The following ZDHHC17 variants were observed in gnomAD, a reference collection of about 807,000 sequenced individuals.
ZDHHC17 encodes palmitoyltransferase ZDHHC17.
Under a neutral mutation model 90.3 loss-of-function variants are expected in ZDHHC17, and 40 were observed. That is an observed-to-expected ratio of 0.44 (90% CI 0.34 to 0.58). The LOEUF is 0.58. ZDHHC17 is among the 20% of genes least tolerant of loss of function. The pLI, the probability that ZDHHC17 is intolerant of heterozygous loss-of-function variation, is 0.01. For missense variants in ZDHHC17, 614 were observed against 780.8 expected (o/e 0.79, Z 2.55); for synonymous variants, 235 against 252.4 (o/e 0.93, Z 0.65).
At chr12:76,824,166 G>A (rs1953202906) in intron 8 of ZDHHC17, among the ~76,000 whole-genome samples, 2 of 152,012 alleles carry the variant, frequency 1.3e-5, no homozygotes, top group South Asian at 2.1e-4. Flanking sequence ...GTTACTTATG[G>A]CATTATTAAA....
At chr12:76,848,971 T>C (rs1136294) in intron 15 of ZDHHC17, among the ~76,000 whole-genome samples, 92,577 of 151,382 alleles carry the variant, frequency 0.61, 28,362 homozygotes, top group East Asian at 0.67. Flanking sequence ...AATTTTTTTA[T>C]ATTAAGTATT....
chr12:76,768,296 G>T (rs1443012205), intron 1 of ZDHHC17, among the ~76,000 whole-genome samples: 1 of 152,210 alleles, frequency 6.6e-6, no homozygotes, highest in African/African-American at 2.4e-5. Flanking sequence ...CCTTGAGCTA[G>T]TAGGTATTTA....
chr12:76,849,396 T>C lies in ZDHHC17; in HGVS notation c.1686T>C (p.Thr562=). 2 of 1,538,100 alleles carry C rather than the reference T, an allele frequency of 1.3e-6. No individual in the cohort carries two copies. The highest frequency in any genetic ancestry group is 1.8e-6 in the Non-Finnish European group (2 of 1,137,626). The part of the protein sequence containing the change: ...QMYQISCLGI[T]TNERMNARRY... ...CTTAGATATCATGTTTAGGTATTAC[T>C]ACAAATGAAAGAATGAATGCCAGGA... is the stretch of plus-strand genomic sequence containing the variant. The change falls in exon 16 of 17, where the codon ACT becomes ACC. Residue 562 remains threonine, a synonymous_variant. Coordinates refer to ENST00000426126, the MANE Select transcript of ZDHHC17 (RefSeq NM_015336.4).
chr12:76,846,582 G>A lies in ZDHHC17; in HGVS notation c.1424-14G>A, dbSNP rs1188913306. The stretch of plus-strand genomic sequence containing the variant: ...TTCTTAGCTGAAAAACCTTGCTTCT[G>A]TGTCGTTCTTCAGGTGCAGGCAACC... On this transcript the variant is annotated splice_polypyrimidine_tract_variant and intron_variant, in intron 13 of 16. Transcript: ENST00000426126. 1 of 1,607,416 alleles carries A rather than the reference G, an allele frequency of 6.2e-7. No individual in the cohort carries two copies. The highest frequency in any genetic ancestry group is 2.2e-5 in the East Asian group (1 of 44,800).
In ZDHHC17 at chr12:76,817,278, A is replaced by G. The variant is rs550823771; in HGVS notation, c.771+1259A>G. Among the ~76,000 whole-genome samples the G allele has an allele frequency of 1.2e-4, 19 of 152,232 alleles. No homozygotes were observed. The South Asian group carries it at 3.5e-3, about 28-fold the overall frequency. On this transcript the variant is annotated intron_variant, in intron 7 of 16. Transcript: ENST00000426126. ...AGAGAAGTTTGACTAAACCTGATCA[A>G]TATACTTAAAAGAAAATTATGTGAG...
In ZDHHC17 at chr12:76,768,660, T is replaced by C. The variant is rs528157070; in HGVS notation, c.93+4331T>C. Among the ~76,000 whole-genome samples, 3 of 152,300 alleles carry C rather than the reference T, an allele frequency of 2.0e-5. No homozygotes were observed. In the South Asian group the frequency reaches 6.2e-4, roughly 32 times the overall value. ...TCCGTAGAGGGACAGAGACCATATG[T>C]TGGTCTACTGGTCCAGCAGACTAGC... On this transcript the variant is annotated intron_variant, in intron 1 of 16. Transcript: ENST00000426126.
intron 5 of ZDHHC17, among the ~76,000 whole-genome samples, chr12:76,812,156 A>G (rs1401178975): frequency 6.6e-6 from 1 of 152,198 alleles, no homozygotes; most frequent in Non-Finnish European, 1.5e-5. Flanking sequence ...ACATGTATAC[A>G]CTAATATATT....
intron 7 of ZDHHC17, among the ~76,000 whole-genome samples, chr12:76,822,204 G>C (rs1014868157): frequency 6.6e-6 from 1 of 152,136 alleles, no homozygotes; most frequent in African/African-American, 2.4e-5. Context: ...TACGGAATAT[G>C]ATGAGAAAAT....
Position 76,842,931 on chromosome 12 carries a change from C to T in ZDHHC17, c.1279C>T (p.Leu427Phe). ...TTTTAATTCACAGACAATAGTTGAA[C>T]TTGCAGAGACAGGAAGTCTGGACCT... ...EEQKKKTIVELAETGSLDLSI... is the reference protein window; with the variant it reads ...EEQKKKTIVEFAETGSLDLSI... The change falls in exon 12 of 17, where the codon CTT (leucine) becomes TTT (phenylalanine). Residue 427 changes from leucine (L) to phenylalanine (F), a missense_variant. Leu to Phe is a conservative substitution (Grantham distance 22). This residue lies in a region of ZDHHC17 where 117 missense variants were observed against 183.6 expected (regional missense o/e 0.64). Transcript: ENST00000426126. The T allele has an allele frequency of 6.2e-6, 10 of 1,609,916 alleles. No individual in the cohort carries two copies. Among genetic ancestry groups the T allele is most frequent in the Non-Finnish European group, 8.5e-6 (10 of 1,177,564 alleles).
At chr12:76,832,875 G>A (rs1953320770) in intron 10 of ZDHHC17, among the ~76,000 whole-genome samples, 1 of 152,216 alleles carries the variant, frequency 6.6e-6, no homozygotes, top group Admixed American at 6.5e-5. Flanking sequence ...CCTCAGCTGA[G>A]AATGTGCACA....
chr12:76,848,525 T>G (rs1043301200), intron 15 of ZDHHC17, 135 bp downstream of exon 15: 12 of 1,060,040 alleles, frequency 1.1e-5, no homozygotes, highest in Non-Finnish European at 1.6e-5. Flanking sequence ...TAGTTTTCCT[T>G]TCTACCTCAC....
chr12:76,766,888 T>A (rs941491724), intron 1 of ZDHHC17, among the ~76,000 whole-genome samples: 1 of 151,858 alleles, frequency 6.6e-6, no homozygotes, highest in African/African-American at 2.4e-5. Context: ...AGCATGGTGG[T>A]ACACGCCTGT....
chr12:76,815,868 C>G lies in ZDHHC17; in HGVS notation c.620C>G (p.Thr207Ser). 2 of 1,484,596 alleles carry G rather than the reference C, an allele frequency of 1.3e-6. No homozygotes were observed. Among genetic ancestry groups the G allele is most frequent in the East Asian group, 2.5e-5 (1 of 39,238 alleles). The allele number at this position is 1,484,596 out of a possible 1,614,324, so 92.0% of individuals were successfully genotyped here. ...TTTTTCCTTTTCAGTGTGGATCCAA[C>G]TAGATTGCTTTTAACATTCAATGTT... ...AAYRTHSVDP[T>S]RLLLTFNVSV... The change falls in exon 7 of 17, where the codon ACT becomes AGT. Residue 207 changes from threonine (T) to serine (S), a missense_variant. By Grantham distance (58) the Thr-to-Ser change is moderately conservative (BLOSUM62 1). This residue lies in a region of ZDHHC17 where 358 missense variants were observed against 380.4 expected (regional missense o/e 0.94). Transcript: ENST00000426126.
At chr12:76,797,875 C>T (rs906929613) in intron 2 of ZDHHC17, among the ~76,000 whole-genome samples, 5 of 151,488 alleles carry the variant, frequency 3.3e-5, no homozygotes, top group African/African-American at 7.3e-5. Flanking sequence ...ACCCAGGAGG[C>T]GGAGGTTGCA....
intron 1 of ZDHHC17, among the ~76,000 whole-genome samples, chr12:76,784,720 G>A (rs1565765897): frequency 1.3e-5 from 2 of 152,186 alleles, no homozygotes; most frequent in African/African-American, 4.8e-5. Flanking sequence ...GCTGCAGACA[G>A]GAGCAGAGTT....
rs556532255 is a variant in ZDHHC17, at chr12:76,775,763, ACTTT to A, written c.93+11441_93+11444del. Among the ~76,000 whole-genome samples, 35 of 152,272 alleles carry A rather than the reference ACTTT, an allele frequency of 2.3e-4. No homozygotes were observed. In the South Asian group the frequency reaches 6.4e-3, roughly 28 times the overall value. On this transcript the variant is annotated intron_variant, in intron 1 of 16. Transcript: ENST00000426126. ...AGCTGTTGTTTTATAATCTTTACTT[ACTTT>A]CTTTCTGCAGTTCCAAGATTTTAAG... is the stretch of plus-strand genomic sequence containing the variant.
intron 8 of ZDHHC17, among the ~76,000 whole-genome samples, chr12:76,826,056 C>T (rs374895991): frequency 2.6e-5 from 4 of 152,080 alleles, no homozygotes; most frequent in African/African-American, 7.2e-5. Context: ...TGGGCTCAAG[C>T]GATTCTCTCG....
At chr12:76,847,858 GA>G (rs1021801304) in intron 14 of ZDHHC17, among the ~76,000 whole-genome samples, 5 of 151,530 alleles carry the variant, frequency 3.3e-5, no homozygotes, top group Non-Finnish European at 7.4e-5. Context: ...ACCTTGTCTG[GA>G]AAAAAAAGCT....
Position 76,822,404 on chromosome 12 carries a change from A to C in ZDHHC17, c.772-2A>C. ...AGGAATTTCTTCTGTTTATATTATCAGGGCGAATCAGCGCTTGATTTGGCA... is the reference window on the plus strand; with the variant it reads ...AGGAATTTCTTCTGTTTATATTATCCGGGCGAATCAGCGCTTGATTTGGCA... On this transcript the variant is annotated splice_acceptor_variant, in intron 7 of 16. Transcript: ENST00000426126. LOFTEE classifies it high-confidence loss of function. 5 of 1,612,826 alleles carry C rather than the reference A, an allele frequency of 3.1e-6. No homozygotes were observed. Among genetic ancestry groups the C allele is most frequent in the Non-Finnish European group, 4.2e-6 (5 of 1,178,968 alleles).
Sources: gnomAD v4.1 joint callset for allele counts (sites outside exome capture counted in the v4.1 genomes callset) on GRCh38, gnomAD v4.1.1 for gene constraint, gnomAD v4.1.1 regional missense constraint, MANE v1.5 for transcripts, NCBI Gene and HGNC (gene_info 2026-07-23, HGNC 2026-07-21) for gene names.